The following ATP6V0A1 variants were observed in gnomAD, a reference collection of about 807,000 sequenced individuals.
The protein encoded by ATP6V0A1 is V-type proton ATPase 116 kDa subunit a 1.
A neutral mutation model predicts 105.4 loss-of-function variants in ATP6V0A1; 43 were observed. The ratio of observed to expected loss-of-function variants is 0.41; its 90% confidence interval spans 0.32 to 0.53. The LOEUF (loss-of-function observed/expected upper bound fraction) is 0.53. Among genes scored for constraint, ATP6V0A1 ranks in the 20% least tolerant of loss-of-function variants. The probability of loss-of-function intolerance (pLI) is 0.30; values close to 1 mark genes in which losing one functional copy is unlikely to be tolerated. For synonymous variants in ATP6V0A1, 362 were observed against 372.8 expected (o/e 0.97, Z 0.33); for missense variants, 676 against 1,051.1 (o/e 0.64, Z 4.93).
At chr17:42,487,030 C>A in intron 9 of ATP6V0A1, 125 bp from the exon 10 acceptor site, 1 of 892,764 alleles carries the variant, frequency 1.1e-6, no homozygotes, top group Non-Finnish European at 1.8e-6. Context: ...CCATTCTAGC[C>A]AGAGGAAGAA....
At chr17:42,497,236 G>A (rs2091263463) in intron 14 of ATP6V0A1, among the ~76,000 whole-genome samples, 1 of 148,658 alleles carries the variant, frequency 6.7e-6, no homozygotes, top group Admixed American at 6.8e-5. Flanking sequence ...GGAGGCAGAG[G>A]TTGCAGTGAG....
At position 42,521,185 on chromosome 17, in the gene ATP6V0A1, CCT is replaced by C. The variant is rs1184746665; in HGVS notation, c.*70_*71del. 7.7e-5 allele frequency: 106 copies of C among 1,370,102 alleles called. No homozygotes were observed. Among genetic ancestry groups the C allele is most frequent in the South Asian group, 3.0e-4 (22 of 73,274 alleles). 84.9% of individuals were successfully genotyped at this position (1,370,102 alleles called of 1,614,324 possible). ...CCTCCCTCCACAGTGATCAGCTGTG[CCT>C]CTCTGCCTGTTGGTTGTGATCTGTG... On this transcript the variant is annotated 3_prime_UTR_variant, in exon 22 of 22. Transcript: ENST00000343619. This position sits in a 1 kb window ranked among gnomAD's most constrained non-coding sequence, Gnocchi z 4.8.
At chr17:42,482,293 T>C (rs1231152044) in intron 8 of ATP6V0A1, among the ~76,000 whole-genome samples, 1 of 152,086 alleles carries the variant, frequency 6.6e-6, no homozygotes, top group Non-Finnish European at 1.5e-5. Context: ...ACTACAGGCA[T>C]GTGCCACCAT....
intron 19 of ATP6V0A1, among the ~76,000 whole-genome samples, chr17:42,513,200 G>A (rs1156232792): frequency 6.6e-6 from 1 of 152,164 alleles, no homozygotes; most frequent in East Asian, 1.9e-4. Flanking sequence ...TATGCTGTTT[G>A]GCCTTAACCC....
At chr17:42,491,477 A>AT (rs944501041) in intron 11 of ATP6V0A1, among the ~76,000 whole-genome samples, 14 of 146,904 alleles carry the variant, frequency 9.5e-5, no homozygotes, top group Non-Finnish European at 1.1e-4. Context: ...TGCCCGGCTA[A>AT]TTTTTTTTTT....
At chr17:42,463,201 T>G (rs889792551) in intron 2 of ATP6V0A1, among the ~76,000 whole-genome samples, 2 of 150,810 alleles carry the variant, frequency 1.3e-5, no homozygotes, top group African/African-American at 4.9e-5. Context: ...GAGATGGAGT[T>G]TCACCATGTT....
intron 1 of ATP6V0A1, 96 bp downstream of exon 1, chr17:42,459,059 C>G (rs764984569): frequency 6.6e-6 from 1 of 152,324 alleles, no homozygotes; most frequent in Non-Finnish European, 1.5e-5. Flanking sequence ...GAGGAATTAG[C>G]GGGGATCTGA....
At chr17:42,497,667 C>A (rs2091305566) in intron 14 of ATP6V0A1, among the ~76,000 whole-genome samples, 6 of 147,834 alleles carry the variant, frequency 4.1e-5, no homozygotes, top group Admixed American at 2.7e-4. Context: ...AGTAAGACTC[C>A]ATCTAAAAGA....
intron 21 of ATP6V0A1, chr17:42,520,632 CCA>C (rs1297413369): frequency 2.2e-6 from 1 of 458,766 alleles, no homozygotes; most frequent in Non-Finnish European, 4.4e-6. Context: ...AGGTGCTTGC[CCA>C]GTGTCTCTGG....
At chr17:42,461,103 G>T (rs2086343519) in intron 2 of ATP6V0A1, 92 bp downstream of exon 2, 1 of 1,104,714 alleles carries the variant, frequency 9.1e-7, no homozygotes, top group Non-Finnish European at 1.4e-6. Context: ...TTTTTTATTT[G>T]CAAAAATAAC....
At position 42,487,157 on chromosome 17, in the gene ATP6V0A1, T is replaced by A; in HGVS notation, c.813T>A (p.Val271=). The A allele has an allele frequency of 6.2e-7, 1 of 1,614,152 alleles. No homozygotes were observed. Among genetic ancestry groups the A allele is most frequent in the Non-Finnish European group, 8.5e-7 (1 of 1,180,028 alleles). The stretch of plus-strand genomic sequence containing the variant: ...GCTTGTTCCTTTTCTCCCCAAAGGT[T>A]CTGAATCAAACGGAGGATCACCGCC... ...VNTRIDDLQM[V]LNQTEDHRQR... is the part of the protein sequence containing the mutation. The change falls in exon 10 of 22, where the codon GTT becomes GTA. Residue 271 remains valine, a splice_region_variant and synonymous_variant. Transcript: ENST00000343619.
chr17:42,510,729 C>G (rs993151328), intron 19 of ATP6V0A1: 2 of 152,218 alleles, frequency 1.3e-5, no homozygotes, highest in Non-Finnish European at 2.9e-5. Flanking sequence ...GATGGTGACA[C>G]AGCCATGGCG....
At chr17:42,469,323 C>CTT (rs58501978) in intron 4 of ATP6V0A1, among the ~76,000 whole-genome samples, 1,056 of 102,262 alleles carry the variant, frequency 0.01, 36 homozygotes, top group African/African-American at 0.038. Context: ...AAAGGAAAGA[C>CTT]TTTTTTTTTT....
chr17:42,467,979 A>G (rs375046872), intron 3 of ATP6V0A1, 31 bp from the exon 4 acceptor site: 2 of 1,481,094 alleles, frequency 1.4e-6, no homozygotes, highest in African/African-American at 2.8e-5. Context: ...ATGTGCAGTT[A>G]GACATGAATG....
At position 42,514,452 on chromosome 17, in the gene ATP6V0A1, C is replaced by T. The variant is rs754923456; in HGVS notation, c.2412C>T (p.Arg804=). 1.3e-5 allele frequency: 21 copies of T among 1,598,820 alleles called. No individual in the cohort carries two copies. The highest frequency in any genetic ancestry group is 1.7e-5 in the Admixed American group (1 of 58,000). The change falls in exon 21 of 22, where the codon CGC becomes CGT. Residue 804 remains arginine (R), a synonymous_variant. Coordinates refer to ENST00000343619, the MANE Select transcript of ATP6V0A1 (RefSeq NM_001130021.3). ...TCTCGGCCTTTCTCCACGCACTGCG[C>T]TTACACTGGTGAGGGGCAGTGGGGC... ...EGLSAFLHAL[R]LHWVEFQNKF...
At chr17:42,514,038 G>T (rs2146301508) in intron 20 of ATP6V0A1, 60 bp downstream of exon 20, 1 of 1,530,732 alleles carries the variant, frequency 6.5e-7, no homozygotes, top group South Asian at 1.1e-5. Flanking sequence ...CGCACTGTCA[G>T]TTGGGGGGCT....
At chr17:42,464,466 G>A (rs779496765) in intron 2 of ATP6V0A1, among the ~76,000 whole-genome samples, 4 of 151,670 alleles carry the variant, frequency 2.6e-5, no homozygotes, top group African/African-American at 9.7e-5. Context: ...GCAGTGGCAC[G>A]ATCTCGGCTC....
At chr17:42,478,683 A>G (rs947972633) in intron 7 of ATP6V0A1, 94 bp downstream of exon 7, 7 of 1,315,932 alleles carry the variant, frequency 5.3e-6, no homozygotes, top group Non-Finnish European at 7.0e-6. Flanking sequence ...CAGTGCTTCC[A>G]CAGAGGAGCC....
At chr17:42,506,778 A>C (rs1284636011) in intron 17 of ATP6V0A1, among the ~76,000 whole-genome samples, 1 of 152,120 alleles carries the variant, frequency 6.6e-6, no homozygotes, top group Admixed American at 6.5e-5. Flanking sequence ...TTTAAAATCT[A>C]CTTTTGGAGA....
Sources: allele counts gnomAD v4.1 joint callset (sites outside exome capture counted in the v4.1 genomes callset), GRCh38; gene constraint gnomAD v4.1.1; non-coding constraint Gnocchi (gnomAD v3.1); transcripts MANE v1.5; gene names NCBI Gene and HGNC (gene_info 2026-07-23, HGNC 2026-07-21).